The following ANKFN1 variants were observed in gnomAD, a reference collection of about 807,000 sequenced individuals.
ANKFN1 encodes ankyrin repeat and fibronectin type-III domain-containing protein 1.
A neutral mutation model predicts 108.7 loss-of-function variants in ANKFN1; 74 were observed. That is an observed-to-expected ratio of 0.68 (90% confidence interval 0.56 to 0.83). The LOEUF is 0.83. ANKFN1 is among the 40% of genes least tolerant of loss of function. ANKFN1 has a pLI of 0.00. For synonymous variants in ANKFN1, 547 were observed against 516.2 expected (o/e 1.06, Z -0.81); for missense variants, 1,505 against 1,382.3 (o/e 1.09, Z -1.41).
rs888324466 is a variant in ANKFN1 at position 56,093,132 on chromosome 17, G to A, written c.288+46807G>A. Among the ~76,000 whole-genome samples, 6 of 151,274 alleles carry A rather than the reference G, an allele frequency of 4.0e-5. 1 individual carries two copies. The highest frequency in any genetic ancestry group is 2.1e-4 in the South Asian group (1 of 4,792). On this transcript the variant is annotated intron_variant, in intron 4 of 12. Transcript: ENST00000635860. Reference sequence around the variant, plus strand: ...TATCTCATGATGTTCACAGTCCCAGGAATCAGGGTGGGCCACCTTGGCGGG... The same window carrying A: ...TATCTCATGATGTTCACAGTCCCAGAAATCAGGGTGGGCCACCTTGGCGGG...
At chr17:56,116,876 C>T (rs1906314725) in intron 4 of ANKFN1, among the ~76,000 whole-genome samples, 1 of 152,102 alleles carries the variant, frequency 6.6e-6, no homozygotes, top group Non-Finnish European at 1.5e-5. Context: ...ATGGTGACTG[C>T]AGGGAGCATG....
intron 19 of ANKFN1, among the ~76,000 whole-genome samples, chr17:56,494,460 T>C (rs1449645902): frequency 1.3e-5 from 2 of 152,006 alleles, no homozygotes; most frequent in East Asian, 3.9e-4. Context: ...TAACAACAGA[T>C]CAGAAGCTGG....
At chr17:56,351,396 T>C (rs1162279351) in intron 5 of ANKFN1, among the ~76,000 whole-genome samples, 1 of 151,758 alleles carries the variant, frequency 6.6e-6, no homozygotes, top group Non-Finnish European at 1.5e-5. Flanking sequence ...TGCACATGTA[T>C]TATATGATAG....
intron 8 of ANKFN1, among the ~76,000 whole-genome samples, chr17:56,410,527 T>C (rs2048061105): frequency 6.6e-6 from 1 of 152,230 alleles, no homozygotes; most frequent in Admixed American, 6.5e-5. Flanking sequence ...ACTTATTGTT[T>C]TGTGGTGAGG....
chr17:56,051,919 A>G (rs1023122731), intron 4 of ANKFN1, among the ~76,000 whole-genome samples: 20 of 150,134 alleles, frequency 1.3e-4, no homozygotes, highest in African/African-American at 4.9e-4. Context: ...GAAATAAAAG[A>G]GGATACAAAC....
chr17:56,084,837 G>A (rs974260766), intron 4 of ANKFN1, among the ~76,000 whole-genome samples: 4 of 151,004 alleles, frequency 2.6e-5, no homozygotes, highest in Non-Finnish European at 5.9e-5. Context: ...GGGGACCTAG[G>A]CCAGTTGATA....
At chr17:56,089,752 G>C (rs566347764) in intron 4 of ANKFN1, among the ~76,000 whole-genome samples, 1 of 151,510 alleles carries the variant, frequency 6.6e-6, no homozygotes, top group South Asian at 2.1e-4. Flanking sequence ...GGGTGTAATG[G>C]AAGCAGCACT....
intron 4 of ANKFN1, among the ~76,000 whole-genome samples, chr17:56,142,731 A>C (rs1362493927): frequency 6.6e-6 from 1 of 152,188 alleles, no homozygotes; most frequent in Non-Finnish European, 1.5e-5. Context: ...TGTGTTTTAC[A>C]GGTGAATTTG....
chr17:56,408,422 T>C (rs759531136), intron 8 of ANKFN1, among the ~76,000 whole-genome samples: 6 of 152,200 alleles, frequency 3.9e-5, no homozygotes, highest in Non-Finnish European at 8.8e-5. Context: ...TGAATTAATA[T>C]AGGTATAAAT....
rs1912723617 is a variant in ANKFN1 at position 56,189,969 on chromosome 17, G to C, written c.-70-22629G>C. ...CAAAAAGACAGCCCTTTCAACAAAT[G>C]ATGCTGGGACAACTGGACATCCATG... On this transcript the variant is annotated intron_variant, in intron 1 of 20. Transcript: ENST00000682825. Among the ~76,000 whole-genome samples, 3 of 147,938 alleles carry C rather than the reference G, an allele frequency of 2.0e-5. No homozygotes were observed. The Admixed American group carries it at 2.0e-4, about 10-fold the overall frequency.
At position 56,372,859 on chromosome 17, in the gene ANKFN1, T is replaced by G. The variant is rs75135617; in HGVS notation, c.796+19T>G. The stretch of plus-strand genomic sequence containing the variant: ...CATGCCAGTGAGTATAAGCAGAAAA[T>G]GTCTACATTTCACTAGACTGAGCCT... On this transcript the variant is annotated intron_variant, in intron 7 of 20. Transcript: ENST00000682825. The G allele has an allele frequency of 6.2e-7, 1 of 1,601,318 alleles. No individual in the cohort carries two copies. The highest frequency in any genetic ancestry group is 8.5e-7 in the Non-Finnish European group (1 of 1,175,744).
chr17:56,374,893 A>T (rs2046904542), intron 8 of ANKFN1, among the ~76,000 whole-genome samples, 179 bp downstream of exon 8: 1 of 152,220 alleles, frequency 6.6e-6, no homozygotes, highest in Middle Eastern at 3.2e-3. Context: ...CAAGTGACTG[A>T]GAATGTCACA....
intron 4 of ANKFN1, among the ~76,000 whole-genome samples, chr17:56,099,725 G>C (rs1905602056): frequency 6.6e-6 from 1 of 152,214 alleles, no homozygotes; most frequent in African/African-American, 2.4e-5. Context: ...ATTAAAGAAA[G>C]TCTGTTCTTC....
At chr17:56,220,717 A>C (rs575794864) in intron 2 of ANKFN1, among the ~76,000 whole-genome samples, 135 of 148,242 alleles carry the variant, frequency 9.1e-4, no homozygotes, top group African/African-American at 3.2e-3. Context: ...AGGGAAAGGG[A>C]AACGGAAAAG....
intron 2 of ANKFN1, 100 bp from the exon 3 acceptor site, chr17:56,227,817 T>G (rs1916397228): frequency 1.3e-6 from 1 of 765,342 alleles, no homozygotes; most frequent in African/African-American, 1.9e-5. Context: ...CTTCTCTCTC[T>G]TTTTTTTTTC....
chr17:56,220,687 AGAAAG>A (rs202234655), intron 2 of ANKFN1, among the ~76,000 whole-genome samples: 3,530 of 149,828 alleles, frequency 0.024, 128 homozygotes, highest in African/African-American at 0.082. Flanking sequence ...AGGGAGGAAA[AGAAAG>A]GAAAGGAAAG....
intron 3 of ANKFN1, among the ~76,000 whole-genome samples, chr17:56,313,452 G>A (rs530029165): frequency 8.9e-4 from 136 of 152,280 alleles, no homozygotes; most frequent in Middle Eastern, 3.4e-3. Context: ...GCCACAGTAA[G>A]GGGAAGGAAC....
intron 1 of ANKFN1, chr17:56,174,105 G>A: frequency 2.2e-6 from 2 of 903,276 alleles, no homozygotes; most frequent in Non-Finnish European, 2.6e-6. Flanking sequence ...GAATCCGTGG[G>A]TCAGCTTGAC....
chr17:56,178,367 A>G (rs1372769559), intron 1 of ANKFN1, among the ~76,000 whole-genome samples: 1 of 152,214 alleles, frequency 6.6e-6, no homozygotes, highest in Non-Finnish European at 1.5e-5. Context: ...TAAAGTTCCC[A>G]ATATAATTTG....
Sources: gnomAD v4.1 joint callset for allele counts (sites outside exome capture counted in the v4.1 genomes callset) on GRCh38, gnomAD v4.1.1 for gene constraint, MANE v1.5 for transcripts, NCBI Gene and HGNC (gene_info 2026-07-23, HGNC 2026-07-21) for gene names.